Variants in CGNL1 observed in about 807,000 individuals in gnomAD.
The protein encoded by CGNL1 is cingulin-like protein 1.
In CGNL1, 132 loss-of-function variants were observed where a neutral mutation model predicts 141.2. The ratio of observed to expected loss-of-function variants is 0.93; its 90% confidence interval spans 0.81 to 1.08. The LOEUF (loss-of-function observed/expected upper bound fraction) is 1.08. CGNL1 is among the 50% of genes least tolerant of loss of function. The pLI, the probability that CGNL1 is intolerant of heterozygous loss-of-function variation, is 0.00. For missense variants in CGNL1, 1,870 were observed against 1,588.6 expected, an observed-to-expected ratio of 1.18 and a Z score of -3.01; for synonymous variants, 690 against 622.1, an observed-to-expected ratio of 1.11 and a Z score of -1.63.
At chr15:57,476,155 T>A (rs1191066356) in intron 8 of CGNL1, among the ~76,000 whole-genome samples, 1 of 152,114 alleles carries the variant, frequency 6.6e-6, no homozygotes, top group African/African-American at 2.4e-5. Flanking sequence ...CATGAGAAGC[T>A]GGCATATGGC....
chr15:57,452,180 G>C lies in CGNL1; in HGVS notation c.1945G>C (p.Ala649Pro). 6.2e-7 allele frequency: 1 copy of C among 1,613,556 alleles called. No individual in the cohort carries two copies. ...NIKEERERMR[A>P]NLEELRSQHN... Reference sequence around the variant, plus strand: ...TAAAGAAGAGAGAGAGAGGATGAGAGCAAACCTAGAAGAGCTCCGAAGCCA... The same window carrying C: ...TAAAGAAGAGAGAGAGAGGATGAGACCAAACCTAGAAGAGCTCCGAAGCCA... The change falls in exon 6 of 19, where the codon GCA becomes CCA. Residue 649 changes from alanine (A) to proline (P), a missense_variant. Transcript: ENST00000281282.
chr15:57,439,339 TG>T lies in CGNL1; in HGVS notation c.1341del (p.Gln448ArgfsTer19). 2 of 1,614,104 alleles carry T rather than the reference TG, an allele frequency of 1.2e-6. No individual in the cohort carries two copies. Among genetic ancestry groups the T allele is most frequent in the Non-Finnish European group, 1.7e-6 (2 of 1,180,042 alleles). ...AGCGTGGGCCGCACCTTTGCAAAGC[TG>T]CAGGGAGCAGCGCACGGGGCTTCAT... ...KQSVGRTFAK[L>X]QGAAHGASCA... On this transcript the variant is annotated frameshift_variant, in exon 2 of 19. Coordinates refer to ENST00000281282, the MANE Select transcript of CGNL1 (RefSeq NM_032866.5). LOFTEE classifies it high-confidence loss of function.
At chr15:57,379,901 T>A (rs1664470) in intron 1 of CGNL1, among the ~76,000 whole-genome samples, 2 of 152,062 alleles carry the variant, frequency 1.3e-5, no homozygotes, top group African/African-American at 2.4e-5. Context: ...GAGGGAAGGC[T>A]TAGTGTTTTC....
At chr15:57,412,020 CTTG>C (rs879474216) in intron 1 of CGNL1, among the ~76,000 whole-genome samples, 5 of 152,204 alleles carry the variant, frequency 3.3e-5, no homozygotes, top group African/African-American at 7.2e-5. Flanking sequence ...TTCAGAGCTT[CTTG>C]TTGTGTGACA....
intron 1 of CGNL1, among the ~76,000 whole-genome samples, chr15:57,409,651 G>T (rs1409844429): frequency 1.3e-5 from 2 of 152,144 alleles, no homozygotes; most frequent in Non-Finnish European, 2.9e-5. Context: ...AAGGTAGGAT[G>T]CTTGCAGGTC....
chr15:57,443,852 G>A (rs1320127896), intron 4 of CGNL1, among the ~76,000 whole-genome samples: 2 of 152,244 alleles, frequency 1.3e-5, no homozygotes, highest in African/African-American at 2.4e-5. Flanking sequence ...GAATCTCACC[G>A]GCTGTTACAG....
intron 14 of CGNL1, among the ~76,000 whole-genome samples, chr15:57,537,717 G>T (rs951735093): frequency 5.3e-5 from 8 of 152,114 alleles, no homozygotes; most frequent in Non-Finnish European, 1.0e-4. Flanking sequence ...GCTGGCTCAG[G>T]TCATGGGTAT....
intron 8 of CGNL1, among the ~76,000 whole-genome samples, chr15:57,504,299 T>G (rs540168284): frequency 6.6e-6 from 1 of 152,268 alleles, no homozygotes; most frequent in South Asian, 2.1e-4. Context: ...CAGTAAAAGG[T>G]AGTTGACGGG....
chr15:57,414,737 A>T (rs1262638197), intron 1 of CGNL1, among the ~76,000 whole-genome samples: 1 of 152,196 alleles, frequency 6.6e-6, no homozygotes, highest in Non-Finnish European at 1.5e-5. Flanking sequence ...CATCCACCCT[A>T]CAATCAAATG....
chr15:57,401,815 T>C lies in CGNL1; in HGVS notation c.-16+25248T>C, dbSNP rs538390086. Among the ~76,000 whole-genome samples the C allele has an allele frequency of 1.3e-3, 196 of 152,276 alleles. 1 individual carries two copies. The highest frequency in any genetic ancestry group is 4.6e-3 in the African/African-American group (190 of 41,550). ...CCAAAAACTTGATTTTTTTGGAGGG[T>C]GTACAGTGTGCCATGCCAAAAGACA... On this transcript the variant is annotated intron_variant, in intron 1 of 18. Coordinates refer to ENST00000281282, the MANE Select transcript of CGNL1 (RefSeq NM_032866.5).
At chr15:57,384,129 A>G (rs956808573) in intron 1 of CGNL1, among the ~76,000 whole-genome samples, 1 of 151,986 alleles carries the variant, frequency 6.6e-6, no homozygotes, top group South Asian at 2.1e-4. Context: ...TGGGTAGGAG[A>G]TAAGACCCAC....
chr15:57,438,639 AC>A lies in CGNL1; in HGVS notation c.641del (p.Thr214LysfsTer11). ...GGAAGACCCGGCCAAATCTGGTGTG[AC>A]AGCTATTCGTTTATGCAGCTCCGTG... ...SLEDPAKSGVTAIRLCSSVVI... is the reference protein window; with the variant it reads ...SLEDPAKSGVXAIRLCSSVVI... On this transcript the variant is annotated frameshift_variant, in exon 2 of 19. Coordinates refer to ENST00000281282, the MANE Select transcript of CGNL1 (RefSeq NM_032866.5). LOFTEE classifies it high-confidence loss of function. 2 of 1,614,120 alleles carry A rather than the reference AC, an allele frequency of 1.2e-6. No individual in the cohort carries two copies. The highest frequency in any genetic ancestry group is 1.7e-6 in the Non-Finnish European group (2 of 1,180,040).
intron 8 of CGNL1, chr15:57,477,645 A>G (rs2063673669): frequency 2.0e-5 from 3 of 152,250 alleles, no homozygotes; most frequent in South Asian, 4.1e-4. Flanking sequence ...CTCTAAGCCT[A>G]TGACTTTTTG....
At chr15:57,513,869 G>C (rs111759151) in intron 8 of CGNL1, among the ~76,000 whole-genome samples, 1,781 of 152,198 alleles carry the variant, frequency 0.012, 37 homozygotes, top group African/African-American at 0.04. Flanking sequence ...GAAATTGCTA[G>C]GTCCTACCGT....
chr15:57,451,641 T>C, intron 5 of CGNL1, 40 bp downstream of exon 5: 1 of 1,440,598 alleles, frequency 6.9e-7, no homozygotes, highest in Non-Finnish European at 9.7e-7. Flanking sequence ...TCCATTTCTG[T>C]CTTGGTTGAT....
At chr15:57,525,300 C>T (rs2031542844) in intron 12 of CGNL1, among the ~76,000 whole-genome samples, 1 of 152,206 alleles carries the variant, frequency 6.6e-6, no homozygotes, top group Admixed American at 6.5e-5. Flanking sequence ...AACCCAAATG[C>T]TAGCTCCCTT....
At chr15:57,401,018 T>TA (rs2062655141) in intron 1 of CGNL1, among the ~76,000 whole-genome samples, 2 of 151,346 alleles carry the variant, frequency 1.3e-5, no homozygotes, top group Admixed American at 1.3e-4. Context: ...GATTTGATAA[T>TA]TTTTTTTTAG....
intron 8 of CGNL1, among the ~76,000 whole-genome samples, chr15:57,506,133 T>C (rs1005898407): frequency 2.0e-5 from 3 of 152,200 alleles, no homozygotes; most frequent in Non-Finnish European, 2.9e-5. Context: ...TGTAAAGCCA[T>C]GTGGTCTGTC....
At chr15:57,474,702 A>G (rs1177076882) in intron 8 of CGNL1, among the ~76,000 whole-genome samples, 1 of 152,200 alleles carries the variant, frequency 6.6e-6, no homozygotes, top group African/African-American at 2.4e-5. Flanking sequence ...AAACATACAT[A>G]ATATATTGCT....
Sources: allele counts gnomAD v4.1 joint callset (sites outside exome capture counted in the v4.1 genomes callset), GRCh38; gene constraint gnomAD v4.1.1; transcripts MANE v1.5; gene names NCBI Gene and HGNC (gene_info 2026-07-23, HGNC 2026-07-21).